Variants in SNTB1 observed in about 807,000 individuals in gnomAD.
The protein encoded by SNTB1 is syntrophin beta 1.
SNTB1 carries 36 observed loss-of-function variants against 48.9 expected under a neutral mutation model. The observed-to-expected ratio is 0.74, with a 90% confidence interval of 0.56 to 0.97. SNTB1 has a LOEUF of 0.97. Ranked by LOEUF, SNTB1 falls within the 50% of genes least tolerant of loss-of-function variation. The pLI is 0.00. For synonymous variants in SNTB1, 299 were observed against 294.6 expected (o/e 1.01, Z -0.15); for missense variants, 786 against 703.4 (o/e 1.12, Z -1.33).
At chr8:120,804,478 C>T (rs894929124) in intron 1 of SNTB1, among the ~76,000 whole-genome samples, 5 of 152,106 alleles carry the variant, frequency 3.3e-5, no homozygotes, top group African/African-American at 7.2e-5. Flanking sequence ...CTTTTGTCCA[C>T]CCACAGTGTC....
At chr8:120,585,695 A>G (rs1009522979) in intron 3 of SNTB1, among the ~76,000 whole-genome samples, 2 of 152,084 alleles carry the variant, frequency 1.3e-5, no homozygotes, top group East Asian at 1.9e-4. Flanking sequence ...CCATCATTCT[A>G]TCAATTCAGT....
intron 1 of SNTB1, among the ~76,000 whole-genome samples, chr8:120,754,205 A>G (rs1819274586): frequency 1.3e-5 from 2 of 152,056 alleles, no homozygotes; most frequent in Admixed American, 1.3e-4. Context: ...CATATGGGGG[A>G]ATAGTTAAGA....
At chr8:120,672,366 C>T (rs1203133113) in intron 2 of SNTB1, among the ~76,000 whole-genome samples, 4 of 152,154 alleles carry the variant, frequency 2.6e-5, no homozygotes, top group African/African-American at 7.2e-5. Flanking sequence ...TTACTTGGGA[C>T]CAGAAATCTG....
At chr8:120,707,165 C>T (rs1299967003) in intron 1 of SNTB1, among the ~76,000 whole-genome samples, 1 of 152,150 alleles carries the variant, frequency 6.6e-6, no homozygotes, top group Non-Finnish European at 1.5e-5. Context: ...AGTTGCAGGG[C>T]CTTTTAGAAT....
At chr8:120,809,666 C>G (rs775401140) in intron 1 of SNTB1, among the ~76,000 whole-genome samples, 3 of 152,094 alleles carry the variant, frequency 2.0e-5, no homozygotes, top group Non-Finnish European at 4.4e-5. Flanking sequence ...AGCAGGTGCC[C>G]AACAGTTTAT....
chr8:120,624,643 T>C (rs1816846811), intron 3 of SNTB1, among the ~76,000 whole-genome samples: 1 of 152,144 alleles, frequency 6.6e-6, no homozygotes, highest in Admixed American at 6.5e-5. Context: ...ATGCAAAATA[T>C]ATTCATTCCA....
chr8:120,581,102 A>AAAAAG (rs1563822985), intron 3 of SNTB1, among the ~76,000 whole-genome samples: 2 of 123,992 alleles, frequency 1.6e-5, no homozygotes, highest in African/African-American at 6.0e-5. Flanking sequence ...AAAAAAAAAA[A>AAAAAG]AAAAAGAGAA....
intron 1 of SNTB1, among the ~76,000 whole-genome samples, chr8:120,763,029 G>T (rs1819448973): frequency 6.6e-6 from 1 of 152,124 alleles, no homozygotes; most frequent in South Asian, 2.1e-4. Context: ...CACAGAATTG[G>T]ATCTGAACTA....
chr8:120,627,197 CTT>C (rs1368054585), intron 3 of SNTB1, among the ~76,000 whole-genome samples: 1 of 152,180 alleles, frequency 6.6e-6, no homozygotes, highest in African/African-American at 2.4e-5. Context: ...GAACTGAAGA[CTT>C]AGCAATGAGG....
chr8:120,646,621 A>G (rs1188841538), intron 2 of SNTB1, among the ~76,000 whole-genome samples: 5 of 151,942 alleles, frequency 3.3e-5, no homozygotes, highest in Non-Finnish European at 5.9e-5. Context: ...TTGGTCTAAA[A>G]TTCTCTTTTT....
intron 1 of SNTB1, among the ~76,000 whole-genome samples, chr8:120,746,905 A>C (rs1819133914): frequency 6.6e-6 from 1 of 152,228 alleles, no homozygotes; most frequent in Non-Finnish European, 1.5e-5. Flanking sequence ...TAAGGAAATC[A>C]GTAAGTATTG....
At chr8:120,549,425 A>C (rs1815441693) in intron 4 of SNTB1, among the ~76,000 whole-genome samples, 1 of 152,186 alleles carries the variant, frequency 6.6e-6, no homozygotes, top group South Asian at 2.1e-4. Context: ...TTTTTCATGC[A>C]CGTAGCCCCT....
chr8:120,723,015 G>A (rs920951633), intron 1 of SNTB1, among the ~76,000 whole-genome samples: 2 of 152,124 alleles, frequency 1.3e-5, no homozygotes, highest in South Asian at 2.1e-4. Context: ...TTATTTAATA[G>A]GGAATACTTT....
At chr8:120,600,956 G>C (rs1042705480) in intron 3 of SNTB1, among the ~76,000 whole-genome samples, 2 of 152,032 alleles carry the variant, frequency 1.3e-5, no homozygotes, top group Non-Finnish European at 2.9e-5. Context: ...GTTAGACTCT[G>C]ATGGGAAGGA....
intron 1 of SNTB1, among the ~76,000 whole-genome samples, chr8:120,701,383 GC>G (rs1261849558): frequency 6.6e-6 from 1 of 151,976 alleles, no homozygotes; most frequent in Admixed American, 6.6e-5. Flanking sequence ...CATTTTCTTC[GC>G]CTGTCAAAGG....
intron 1 of SNTB1, among the ~76,000 whole-genome samples, chr8:120,796,739 T>A (rs1220865225): frequency 6.6e-6 from 1 of 152,064 alleles, no homozygotes; most frequent in Non-Finnish European, 1.5e-5. Context: ...GCCCTGGCTC[T>A]GCAAGAGAGC....
At chr8:120,702,160 C>A (rs77349530) in intron 1 of SNTB1, among the ~76,000 whole-genome samples, 14,976 of 152,190 alleles carry the variant, frequency 0.098, 731 homozygotes, top group African/African-American at 0.12. Flanking sequence ...TGAATAAGAC[C>A]GACTGGCTCC....
At chr8:120,777,366 C>T (rs1703512225) in intron 1 of SNTB1, among the ~76,000 whole-genome samples, 1 of 152,146 alleles carries the variant, frequency 6.6e-6, no homozygotes, top group Non-Finnish European at 1.5e-5. Context: ...CAGCCAATGC[C>T]TCCTGCTAGA....
intron 3 of SNTB1, among the ~76,000 whole-genome samples, chr8:120,590,244 T>C (rs1160830772): frequency 6.6e-6 from 1 of 152,224 alleles, no homozygotes; most frequent in Non-Finnish European, 1.5e-5. Context: ...TTTGTTCCTC[T>C]CTCTCACTTT....
Sources: gnomAD v4.1 joint callset for allele counts (sites outside exome capture counted in the v4.1 genomes callset) on GRCh38, gnomAD v4.1.1 for gene constraint, MANE v1.5 for transcripts, NCBI Gene and HGNC (gene_info 2026-07-23, HGNC 2026-07-21) for gene names.